The following GATM variants were observed in gnomAD, a reference collection of about 807,000 sequenced individuals.
GATM encodes the protein glycine amidinotransferase, also known as glycine amidinotransferase, mitochondrial.
In GATM, 23 loss-of-function variants were observed where a neutral mutation model predicts 54.2. That is an observed-to-expected ratio of 0.42 (90% confidence interval 0.31 to 0.60). The LOEUF is 0.60. Ranked by LOEUF, GATM falls within the 20% of genes least tolerant of loss-of-function variation. GATM has a pLI of 0.14. For missense variants in GATM, 401 were observed against 544.9 expected, an observed-to-expected ratio of 0.74 and a Z score of 2.63; for synonymous variants, 168 against 183.1, an observed-to-expected ratio of 0.92 and a Z score of 0.67.
rs1889405709 is a variant in GATM, at chr15:45,363,929, A to T, written c.1130T>A (p.Val377Asp). 1.2e-6 allele frequency: 2 copies of T among 1,612,584 alleles called. No individual in the cohort carries two copies. The highest frequency in any genetic ancestry group is 2.2e-5 in the South Asian group (2 of 91,022). The change falls in exon 8 of 9, where the codon GTT (valine) becomes GAT (aspartate). Residue 377 changes from valine to aspartate, a missense_variant. Coordinates refer to ENST00000396659, the MANE Select transcript of GATM (RefSeq NM_001482.3). ...EKRVMVDANE[V>D]PIQKMFEKLG... is the part of the protein sequence containing the mutation. ...CTTTTCAAACATCTTTTGAATTGGA[A>T]CTTCATTGGCATCCACCATAACACG...
intron 3 of GATM, among the ~76,000 whole-genome samples, chr15:45,389,635 G>T (rs567258952): frequency 6.6e-6 from 1 of 152,068 alleles, no homozygotes; most frequent in Non-Finnish European, 1.5e-5. Flanking sequence ...GCAGAGATGG[G>T]TTTTTGCCAT....
chr15:45,388,664 A>G (rs994447503), intron 3 of GATM, among the ~76,000 whole-genome samples: 9 of 152,156 alleles, frequency 5.9e-5, no homozygotes, highest in Non-Finnish European at 1.2e-4. Flanking sequence ...TCATGATTGG[A>G]CTGGCATTAT....
intron 2 of GATM, among the ~76,000 whole-genome samples, chr15:45,374,707 T>A (rs2140654584): frequency 6.6e-6 from 1 of 152,342 alleles, no homozygotes; most frequent in Middle Eastern, 3.4e-3. Context: ...TCGACTGGAA[T>A]AAGATACTTG....
At position 45,366,081 on chromosome 15, in the gene GATM, T is replaced by C; in HGVS notation, c.943A>G (p.Ile315Val). 2 of 1,614,144 alleles carry C rather than the reference T, an allele frequency of 1.2e-6. No homozygotes were observed. The highest frequency in any genetic ancestry group is 1.7e-6 in the Non-Finnish European group (2 of 1,180,016). ...DATFNIIGPG[I>V]VLSNPDRPCH... ...GGTCGGTCAGGGTTGGAAAGCACAA[T>C]ACCAGGTCCAATGATGTTGAAGGTA... is the stretch of plus-strand genomic sequence containing the variant. Residue 315 changes from isoleucine to valine, a missense_variant, in exon 6 of 9, where the codon ATT (isoleucine) becomes GTT (valine). Transcript: ENST00000396659.
rs1377599591 is a variant in GATM at position 45,376,669 on chromosome 15, G to T, written c.220C>A (p.Pro74Thr). The change falls in exon 2 of 9, where the codon CCC (proline) becomes ACC (threonine). Residue 74 changes from proline to threonine, a missense_variant. Around this residue, in one of 3 missense-constraint regions of GATM, gnomAD observed 321 missense variants for 457.5 expected, o/e 0.70. Coordinates refer to ENST00000396659, the MANE Select transcript of GATM (RefSeq NM_001482.3). The stretch of plus-strand genomic sequence containing the variant: ...CTGCCCACTATCACTTCCTCTAAGG[G>T]GTCCCATTCGTTGTAAGAAGAGACA... ...CPVSSYNEWD[P>T]LEEVIVGRAE... 6 of 1,613,996 alleles carry T rather than the reference G, an allele frequency of 3.7e-6. 1 individual carries two copies. The highest frequency in any genetic ancestry group is 3.3e-5 in the South Asian group (3 of 91,076).
At chr15:45,401,574 A>C (rs1273554753) in intron 1 of GATM, among the ~76,000 whole-genome samples, 1 of 152,376 alleles carries the variant, frequency 6.6e-6, no homozygotes, top group East Asian at 1.9e-4. Flanking sequence ...CAGCTGGAAA[A>C]AAAAAATAGC....
At chr15:45,394,169 C>T (rs1889901949) in intron 3 of GATM, among the ~76,000 whole-genome samples, 1 of 152,210 alleles carries the variant, frequency 6.6e-6, no homozygotes, top group Non-Finnish European at 1.5e-5. Context: ...GCATTACCAC[C>T]TGAGCTCCAC....
In GATM at chr15:45,369,416, T is replaced by G. The variant is rs767740292; in HGVS notation, c.394A>C (p.Asn132His). The G allele has an allele frequency of 2.5e-6, 4 of 1,614,174 alleles. No homozygotes were observed. In the Admixed American group the frequency reaches 6.7e-5, roughly 27 times the overall value. Reference protein sequence around the residue: ...KAVAEIEEMCNILKTEGVTVR... With the variant: ...KAVAEIEEMCHILKTEGVTVR... ...GTCACTCCTTCCGTTTTTAAAATAT[T>G]GCACATTTCTTCAATTTCAGCAACA... is the stretch of plus-strand genomic sequence containing the variant. Residue 132 changes from asparagine to histidine, a missense_variant, in exon 3 of 9, where the codon AAT becomes CAT. Physicochemically the swap from Asn to His is moderately conservative, Grantham distance 68. This residue lies in a region of GATM where 321 missense variants were observed against 457.5 expected (regional missense o/e 0.70). Transcript: ENST00000396659.
Position 45,368,153 on chromosome 15 carries a change from A to C in GATM, c.592T>G (p.Ser198Ala), listed in dbSNP as rs796052535. The C allele has an allele frequency of 1.2e-6, 2 of 1,614,002 alleles. No homozygotes were observed. Among genetic ancestry groups the C allele is most frequent in the Non-Finnish European group, 1.7e-6 (2 of 1,179,998 alleles). ...CGGTGGAAGTAGTCTTTGATAATTG[A>C]CCTGTACGCTCGGTACTCAAAGAAG... ...SRFFEYRAYR[S>A]IIKDYFHRGA... The change falls in exon 4 of 9, where the codon TCA (serine) becomes GCA (alanine). Residue 198 changes from serine (S) to alanine (A), a missense_variant. Ser to Ala is a moderately conservative substitution (Grantham distance 99). Transcript: ENST00000396659. This position sits in a 1 kb window ranked among gnomAD's most constrained non-coding sequence, Gnocchi z 5.1.
intron 2 of GATM, among the ~76,000 whole-genome samples, chr15:45,371,306 A>G (rs1428673058): frequency 6.6e-6 from 1 of 152,246 alleles, no homozygotes; most frequent in African/African-American, 2.4e-5. Context: ...ACATTGATAT[A>G]TTTTAAGTTT....
At chr15:45,364,297 G>A in intron 7 of GATM, 1 of 417,338 alleles carries the variant, frequency 2.4e-6, no homozygotes, top group Non-Finnish European at 4.4e-6. Flanking sequence ...AGGATTCCTT[G>A]AGCCTAGGAG....
At chr15:45,386,530 C>T (rs1889805348) in intron 3 of GATM, among the ~76,000 whole-genome samples, 1 of 152,208 alleles carries the variant, frequency 6.6e-6, no homozygotes, top group Admixed American at 6.5e-5. Context: ...CACCTGGCTC[C>T]TCTCATGTCC....
At chr15:45,383,596 CTT>C (rs58764877) in intron 3 of GATM, among the ~76,000 whole-genome samples, 61 of 147,024 alleles carry the variant, frequency 4.1e-4, no homozygotes, top group Admixed American at 7.4e-4. Flanking sequence ...CAAATTGCTG[CTT>C]TTTTTTTTTT....
chr15:45,401,135 G>A (rs1300960364), intron 1 of GATM, among the ~76,000 whole-genome samples: 1 of 152,110 alleles, frequency 6.6e-6, no homozygotes, highest in Non-Finnish European at 1.5e-5. Context: ...TTCCAGAATC[G>A]ATTTAAGCAG....
At chr15:45,390,041 A>G (rs2140675848) in intron 3 of GATM, among the ~76,000 whole-genome samples, 1 of 152,082 alleles carries the variant, frequency 6.6e-6, no homozygotes, top group South Asian at 2.1e-4. Context: ...TAGTGGAGAC[A>G]GGGCTTTGCC....
chr15:45,367,383 A>C (rs887654996), intron 4 of GATM, among the ~76,000 whole-genome samples: 3 of 151,814 alleles, frequency 2.0e-5, no homozygotes, highest in African/African-American at 7.3e-5. Flanking sequence ...ACTGATTCTG[A>C]GAATATTCCA....
At chr15:45,369,294 C>T (rs751589436) in intron 3 of GATM, 32 bp downstream of exon 3, 13 of 1,583,696 alleles carry the variant, frequency 8.2e-6, no homozygotes, top group Non-Finnish European at 1.1e-5. Flanking sequence ...AAAATTCAGA[C>T]ACTGGCAGTT....
At chr15:45,374,537 A>C (rs1889595472) in intron 2 of GATM, among the ~76,000 whole-genome samples, 1 of 152,224 alleles carries the variant, frequency 6.6e-6, no homozygotes, top group Admixed American at 6.5e-5. Context: ...CAAATTCCAA[A>C]TATCAGAACC....
intron 3 of GATM, among the ~76,000 whole-genome samples, chr15:45,392,373 G>A (rs551998501): frequency 9.9e-5 from 15 of 152,206 alleles, no homozygotes; most frequent in East Asian, 1.9e-4. Context: ...ATGCACGTGC[G>A]TGTGCGTGCA....
Sources: gnomAD v4.1 joint callset for allele counts (sites outside exome capture counted in the v4.1 genomes callset) on GRCh38, gnomAD v4.1.1 for gene constraint, gnomAD v4.1.1 regional missense constraint, Gnocchi (gnomAD v3.1) non-coding constraint, MANE v1.5 for transcripts, NCBI Gene and HGNC (gene_info 2026-07-23, HGNC 2026-07-21) for gene names.